SOX6: variants seen among roughly 807,000 people sequenced by gnomAD.
SOX6 encodes SRY-box transcription factor 6.
Under a neutral mutation model 97.8 loss-of-function variants are expected in SOX6, and 11 were observed. That is an observed-to-expected ratio of 0.11 (90% CI 0.07 to 0.19). The LOEUF (loss-of-function observed/expected upper bound fraction) is 0.19, where lower values mean the gene tolerates loss of function less well. Among genes scored for constraint, SOX6 ranks in the 10% least tolerant of loss-of-function variants. SOX6 has a pLI of 1.00. For synonymous variants in SOX6, 360 were observed against 371.4 expected, an observed-to-expected ratio of 0.97 and a Z score of 0.35; for missense variants, 810 against 1,039.5, an observed-to-expected ratio of 0.78 and a Z score of 3.04.
At chr11:16,519,917 T>C (rs2133159596) in intron 4 of SOX6, among the ~76,000 whole-genome samples, 1 of 152,334 alleles carries the variant, frequency 6.6e-6, no homozygotes, top group Non-Finnish European at 1.5e-5. Flanking sequence ...TAACTCATTG[T>C]GGTTTTTAAT....
chr11:16,525,725 C>T (rs1202808117), intron 4 of SOX6, among the ~76,000 whole-genome samples: 6 of 151,752 alleles, frequency 4.0e-5, no homozygotes, highest in Non-Finnish European at 5.9e-5. Flanking sequence ...ATTTTCGCAA[C>T]CTACTCATCT....
At chr11:16,515,975 G>A (rs1012206864) in intron 4 of SOX6, among the ~76,000 whole-genome samples, 1 of 151,760 alleles carries the variant, frequency 6.6e-6, no homozygotes, top group Non-Finnish European at 1.5e-5. Flanking sequence ...TTGAAGGCAG[G>A]TAGTGTGATG....
intron 1 of SOX6, among the ~76,000 whole-genome samples, chr11:16,460,239 A>T (rs951549182): frequency 6.6e-6 from 1 of 152,076 alleles, no homozygotes; most frequent in African/African-American, 2.4e-5. Flanking sequence ...TTTTTCAGAA[A>T]TATAAAATGA....
chr11:16,426,980 A>G (rs1859153988), intron 1 of SOX6, among the ~76,000 whole-genome samples: 1 of 151,636 alleles, frequency 6.6e-6, no homozygotes, highest in Non-Finnish European at 1.5e-5. Context: ...AATTCAAGAC[A>G]GATTAAAGAC....
At chr11:16,707,543 A>G (rs1848146525) in intron 3 of SOX6, among the ~76,000 whole-genome samples, 1 of 152,178 alleles carries the variant, frequency 6.6e-6, no homozygotes, top group African/African-American at 2.4e-5. Flanking sequence ...GTATGGTTTA[A>G]CAGCTACAGC....
intron 1 of SOX6, among the ~76,000 whole-genome samples, chr11:16,385,630 A>G (rs1857960064): frequency 6.6e-6 from 1 of 152,124 alleles, no homozygotes; most frequent in South Asian, 2.1e-4. Context: ...TCCATTTTAA[A>G]TTGGATACAC....
At chr11:15,995,670 A>G (rs907107767) in intron 13 of SOX6, among the ~76,000 whole-genome samples, 1 of 152,150 alleles carries the variant, frequency 6.6e-6, no homozygotes, top group African/African-American at 2.4e-5. Flanking sequence ...AATAAATACA[A>G]CAAAACCACA....
At chr11:16,272,653 TAATA>T (rs1023316301) in intron 3 of SOX6, among the ~76,000 whole-genome samples, 18 of 151,746 alleles carry the variant, frequency 1.2e-4, no homozygotes, top group Non-Finnish European at 2.4e-4. Context: ...TAAATCTCAA[TAATA>T]AATAGTTCTA....
At chr11:16,502,987 G>A (rs901040304) in intron 4 of SOX6, among the ~76,000 whole-genome samples, 2 of 152,068 alleles carry the variant, frequency 1.3e-5, no homozygotes, top group Admixed American at 1.3e-4. Context: ...ACTTAGAAAA[G>A]CACCCCCGTC....
chr11:16,355,127 A>G (rs1017138496), intron 1 of SOX6, among the ~76,000 whole-genome samples: 1 of 152,064 alleles, frequency 6.6e-6, no homozygotes. Context: ...ACAGCTTAGA[A>G]CAATGACACA....
chr11:16,529,007 AT>A (rs1861205343), intron 4 of SOX6, among the ~76,000 whole-genome samples: 1 of 152,000 alleles, frequency 6.6e-6, no homozygotes, highest in Admixed American at 6.6e-5. Flanking sequence ...GCCATCCCTG[AT>A]GCACCTGGAC....
At chr11:16,255,266 T>C (rs936369449) in intron 3 of SOX6, among the ~76,000 whole-genome samples, 1 of 152,030 alleles carries the variant, frequency 6.6e-6, no homozygotes, top group Non-Finnish European at 1.5e-5. Flanking sequence ...CTAGATGTAA[T>C]TGATATCTAT....
intron 3 of SOX6, among the ~76,000 whole-genome samples, chr11:16,645,112 C>T (rs1252770714): frequency 2.0e-5 from 3 of 152,164 alleles, no homozygotes; most frequent in Admixed American, 6.5e-5. Flanking sequence ...AATATTCATT[C>T]GTCATCCTTA....
chr11:15,986,956 A>C (rs575912508), intron 14 of SOX6, among the ~76,000 whole-genome samples: 1 of 152,324 alleles, frequency 6.6e-6, no homozygotes, highest in Non-Finnish European at 1.5e-5. Flanking sequence ...CCTAAGCTCT[A>C]CCTAAGAAGT....
At chr11:16,172,096 C>T (rs138437437) in intron 6 of SOX6, among the ~76,000 whole-genome samples, 1 of 151,876 alleles carries the variant, frequency 6.6e-6, no homozygotes, top group East Asian at 2.0e-4. Context: ...ACACCACCCC[C>T]ACAGTTAGAC....
intron 2 of SOX6, among the ~76,000 whole-genome samples, chr11:16,336,579 C>T (rs1216222785): frequency 6.6e-6 from 1 of 152,096 alleles, no homozygotes; most frequent in Non-Finnish European, 1.5e-5. Flanking sequence ...CTGATGTTCT[C>T]TCTCACAGTC....
chr11:16,038,495 A>G (rs1352067689), intron 12 of SOX6, among the ~76,000 whole-genome samples: 1 of 152,066 alleles, frequency 6.6e-6, no homozygotes, highest in South Asian at 2.1e-4. Flanking sequence ...AAGAGGGAGG[A>G]AGGGAGTAAG....
At chr11:16,316,525 A>C (rs1354921632) in intron 3 of SOX6, 1 of 152,060 alleles carries the variant, frequency 6.6e-6, no homozygotes, top group African/African-American at 2.4e-5. Flanking sequence ...CTACTGTCTC[A>C]TTCTGTAAGT....
intron 4 of SOX6, among the ~76,000 whole-genome samples, chr11:16,214,622 G>GAGATGC (rs1852318324): frequency 6.6e-6 from 1 of 151,942 alleles, no homozygotes; most frequent in Non-Finnish European, 1.5e-5. Flanking sequence ...TCTCTATAAG[G>GAGATGC]AGATGCCATA....
Sources: allele counts gnomAD v4.1 joint callset (sites outside exome capture counted in the v4.1 genomes callset), GRCh38; gene constraint gnomAD v4.1.1; transcripts MANE v1.5; gene names NCBI Gene and HGNC (gene_info 2026-07-23, HGNC 2026-07-21).